LAMA2: variants seen among roughly 807,000 people sequenced by gnomAD.
LAMA2 encodes the protein laminin subunit alpha 2.
LAMA2 carries 269 observed loss-of-function variants against 364.8 expected under a neutral mutation model. The observed-to-expected ratio is 0.74, with a 90% confidence interval of 0.67 to 0.82. The LOEUF is 0.82. Ranked by LOEUF, LAMA2 falls within the 40% of genes least tolerant of loss-of-function variation. The pLI, the probability that LAMA2 is intolerant of heterozygous loss-of-function variation, is 0.00. For missense variants in LAMA2, 3,807 were observed against 3,873.2 expected (o/e 0.98, Z 0.45); for synonymous variants, 1,379 against 1,370.6 (o/e 1.01, Z -0.14).
intron 4 of LAMA2, among the ~76,000 whole-genome samples, chr6:129,099,822 G>A (rs966412650): frequency 1.3e-5 from 2 of 152,118 alleles, no homozygotes; most frequent in Non-Finnish European, 2.9e-5. Context: ...GGTACTCTCA[G>A]CAGAAATCTC....
intron 9 of LAMA2, among the ~76,000 whole-genome samples, chr6:129,172,517 A>T (rs1288831317): frequency 1.3e-5 from 2 of 152,194 alleles, no homozygotes; most frequent in African/African-American, 4.8e-5. Flanking sequence ...CCACTTGAGG[A>T]GGCAGTCTGC....
intron 49 of LAMA2, 149 bp downstream of exon 49, chr6:129,460,473 A>G: frequency 2.4e-6 from 2 of 849,200 alleles, no homozygotes; most frequent in South Asian, 1.4e-5. Context: ...AAACTAATGA[A>G]TCTTCAAGTC....
chr6:129,357,626 C>G (rs931909613), intron 32 of LAMA2, among the ~76,000 whole-genome samples: 3 of 151,982 alleles, frequency 2.0e-5, no homozygotes, highest in African/African-American at 7.2e-5. Context: ...TTTTCCTTAA[C>G]TCTGTAAAAT....
At chr6:129,225,810 G>C (rs1784219185) in intron 12 of LAMA2, among the ~76,000 whole-genome samples, 2 of 152,182 alleles carry the variant, frequency 1.3e-5, no homozygotes, top group South Asian at 4.1e-4. Flanking sequence ...TGTATATTCT[G>C]TTGATTTGGG....
At chr6:128,890,215 T>A (rs1356666674) in intron 1 of LAMA2, among the ~76,000 whole-genome samples, 2 of 152,186 alleles carry the variant, frequency 1.3e-5, no homozygotes, top group Non-Finnish European at 2.9e-5. Flanking sequence ...ATTAACACAT[T>A]TACTTACGTA....
At chr6:129,299,823 C>G (rs1773434631) in intron 21 of LAMA2, among the ~76,000 whole-genome samples, 1 of 152,108 alleles carries the variant, frequency 6.6e-6, no homozygotes, top group Non-Finnish European at 1.5e-5. Flanking sequence ...TGAATTTAGT[C>G]AAATATTCTA....
chr6:128,995,172 C>G (rs1267569023), intron 1 of LAMA2, among the ~76,000 whole-genome samples: 1 of 152,120 alleles, frequency 6.6e-6, no homozygotes, highest in Non-Finnish European at 1.5e-5. Context: ...ATTCAACAAC[C>G]TGACTGTTTT....
intron 2 of LAMA2, among the ~76,000 whole-genome samples, chr6:129,054,520 T>A (rs749790942): frequency 7.2e-5 from 11 of 151,802 alleles, no homozygotes; most frequent in Non-Finnish European, 1.3e-4. Flanking sequence ...GAGGTGCGAG[T>A]GTGTAGACGT....
intron 1 of LAMA2, among the ~76,000 whole-genome samples, chr6:129,011,067 GCCTC>G (rs1344827796): frequency 1.3e-5 from 2 of 152,078 alleles, no homozygotes; most frequent in African/African-American, 4.8e-5. Flanking sequence ...TGCAACCTCA[GCCTC>G]CCAGGTTCAA....
At chr6:129,448,852 T>A (rs1782521778) in intron 45 of LAMA2, among the ~76,000 whole-genome samples, 1 of 152,208 alleles carries the variant, frequency 6.6e-6, no homozygotes, top group South Asian at 2.1e-4. Context: ...AAAGGATGTT[T>A]GAATTTCAGA....
intron 3 of LAMA2, among the ~76,000 whole-genome samples, chr6:129,061,436 T>A (rs1788906789): frequency 6.6e-6 from 1 of 152,220 alleles, no homozygotes; most frequent in African/African-American, 2.4e-5. Flanking sequence ...TATTTACCTG[T>A]TATCAAACAT....
Position 128,890,096 on chromosome 6 carries a change from C to T in LAMA2, c.112+6739C>T, listed in dbSNP as rs117250308. Among the ~76,000 whole-genome samples, 1,150 of 152,206 alleles carry T rather than the reference C, an allele frequency of 7.6e-3. 28 individuals are homozygous for T. The East Asian group carries it at 0.084, about 11-fold the overall frequency. On this transcript the variant is annotated intron_variant, in intron 1 of 64. Coordinates refer to ENST00000421865, the MANE Select transcript of LAMA2 (RefSeq NM_000426.4). The stretch of plus-strand genomic sequence containing the variant: ...TTAAGTATGTCTCTGTATGTGTAGT[C>T]CACTCAACTGACCCCCGAACTGTGT...
chr6:129,005,673 A>G (rs913245430), intron 1 of LAMA2, among the ~76,000 whole-genome samples: 2 of 151,024 alleles, frequency 1.3e-5, no homozygotes, highest in Non-Finnish European at 3.0e-5. Context: ...CTAAAGTTCT[A>G]TATATTAATC....
intron 8 of LAMA2, chr6:129,158,274 A>G: frequency 6.2e-7 from 1 of 1,614,132 alleles, no homozygotes; most frequent in Non-Finnish European, 8.5e-7. Context: ...TTCATGGCGC[A>G]TTAGCACAGT....
At chr6:129,180,019 AAATACTGAAAAGACACTTAGTGTAGTGT>A (rs2115019301) in intron 10 of LAMA2, among the ~76,000 whole-genome samples, 1 of 82,894 alleles carries the variant, frequency 1.2e-5, no homozygotes, top group African/African-American at 1.1e-4. Context: ...CATACAATTT[AAATACTGAAAAGACACTTAGTGTAGTGT>A]ATTTAAATAC....
intron 37 of LAMA2, among the ~76,000 whole-genome samples, chr6:129,398,220 A>G: frequency 6.6e-6 from 1 of 152,166 alleles, no homozygotes. Context: ...AAGTCAGCTC[A>G]TACAAAAGCT....
intron 12 of LAMA2, among the ~76,000 whole-genome samples, chr6:129,208,497 G>A (rs1782832441): frequency 6.6e-6 from 1 of 150,890 alleles, no homozygotes; most frequent in East Asian, 1.9e-4. Context: ...AGAAAAGAGA[G>A]AGATAGAGAG....
chr6:129,402,485 T>C lies in LAMA2; in HGVS notation c.5724T>C (p.Asp1908=). ...TGAATGACTCATCTGCTGTCCTTGA[T>C]GGGTATGTCATTTGTTTTTGGAAAT... ...AQLNDSSAVL[D]GILDEAKNIS... is the part of the protein sequence containing the mutation. The change falls in exon 39 of 65, where the codon GAT becomes GAC. Residue 1908 remains aspartate, a splice_region_variant and synonymous_variant. Coordinates refer to ENST00000421865, the MANE Select transcript of LAMA2 (RefSeq NM_000426.4). The C allele has an allele frequency of 1.2e-6, 2 of 1,614,060 alleles. No individual in the cohort carries two copies. Among genetic ancestry groups the C allele is most frequent in the South Asian group, 2.2e-5 (2 of 91,070 alleles).
intron 12 of LAMA2, among the ~76,000 whole-genome samples, chr6:129,197,035 A>C (rs1022200153): frequency 1.3e-5 from 2 of 152,200 alleles, no homozygotes; most frequent in African/African-American, 2.4e-5. Context: ...AGTAACATTA[A>C]AACAGAGATT....
Sources: allele counts gnomAD v4.1 joint callset (sites outside exome capture counted in the v4.1 genomes callset), GRCh38; gene constraint gnomAD v4.1.1; transcripts MANE v1.5; gene names NCBI Gene and HGNC (gene_info 2026-07-23, HGNC 2026-07-21).